The following TDRP variants were observed in gnomAD, a reference collection of about 807,000 sequenced individuals.
TDRP encodes the protein testis development-related protein.
Under a neutral mutation model 10.5 loss-of-function variants are expected in TDRP, and 12 were observed. That is an observed-to-expected ratio of 1.15 (90% CI 0.73 to 1.86). The LOEUF is 1.86. Ranked by LOEUF, TDRP falls within the 40% of genes most tolerant of loss-of-function variation. The pLI is 0.00. For missense variants in TDRP, 353 were observed against 229.2 expected (o/e 1.54, Z -3.49); for synonymous variants, 139 against 95.4 (o/e 1.46, Z -2.67).
At position 491,936 on chromosome 8, in the gene TDRP, T is replaced by A; in HGVS notation, c.*463A>T. The stretch of plus-strand genomic sequence containing the variant: ...TTGTCAAGTTAAACAAAATTTAACA[T>A]AACTTTGGAAGATTCATCTTACCTC... On this transcript the variant is annotated 3_prime_UTR_variant, in exon 3 of 3. Coordinates refer to ENST00000324079, the MANE Select transcript of TDRP (RefSeq NM_001384899.1). 2.6e-6 allele frequency: 3 copies of A among 1,135,412 alleles called. No individual in the cohort carries two copies. The highest frequency in any genetic ancestry group is 3.2e-6 in the Non-Finnish European group (3 of 927,776). 70.3% of individuals were successfully genotyped at this position (1,135,412 alleles called of 1,614,324 possible).
chr8:516,581 C>G (rs866492555), intron 1 of TDRP, among the ~76,000 whole-genome samples: 1 of 152,126 alleles, frequency 6.6e-6, no homozygotes, highest in African/African-American at 2.4e-5. Flanking sequence ...CCTATCAGAA[C>G]TGACAAAACC....
chr8:501,934 G>C (rs1488627655), intron 1 of TDRP, among the ~76,000 whole-genome samples: 1 of 152,212 alleles, frequency 6.6e-6, no homozygotes, highest in Non-Finnish European at 1.5e-5. Context: ...CCCACCCCCA[G>C]AACAGTTCTG....
At chr8:510,897 A>G (rs1346085951) in intron 1 of TDRP, among the ~76,000 whole-genome samples, 1 of 152,256 alleles carries the variant, frequency 6.6e-6, no homozygotes, top group Admixed American at 6.5e-5. Context: ...TAGAATAGGC[A>G]TATACTACAT....
At chr8:519,260 C>CCTT (rs1164801187) in intron 1 of TDRP, among the ~76,000 whole-genome samples, 2 of 152,156 alleles carry the variant, frequency 1.3e-5, no homozygotes, top group Non-Finnish European at 2.9e-5. Flanking sequence ...CCTCCCCATG[C>CCTT]CTTCCCCTTT....
Position 544,678 on chromosome 8 carries a change from G to A in TDRP, c.80C>T (p.Pro27Leu), listed in dbSNP as rs1385907965. ...CGCCTGGGCGGCGGCGGCGGCGGCC[G>A]GTGGCGGCCCCCCACGCAGGCCGTC... Reference protein sequence around the residue: ...EEDGLRGGPPPAAAAAAQAQV... With the variant: ...EEDGLRGGPPLAAAAAAQAQV... The change falls in exon 1 of 3, where the codon CCG (proline) becomes CTG (leucine). Residue 27 changes from proline (P) to leucine (L), a missense_variant. Transcript: ENST00000324079. The A allele has an allele frequency of 1.6e-6, 2 of 1,244,744 alleles. No individual in the cohort carries two copies. The highest frequency in any genetic ancestry group is 3.7e-5 in the South Asian group (1 of 27,262). 77.1% of individuals were successfully genotyped at this position (1,244,744 alleles called of 1,614,324 possible).
At chr8:495,962 G>A (rs1801117578) in intron 1 of TDRP, among the ~76,000 whole-genome samples, 1 of 152,230 alleles carries the variant, frequency 6.6e-6, no homozygotes, top group Non-Finnish European at 1.5e-5. Context: ...GTCTGCATCT[G>A]TAGACGGGGG....
intron 1 of TDRP, among the ~76,000 whole-genome samples, chr8:517,425 T>C (rs1373310022): frequency 1.3e-5 from 2 of 152,156 alleles, no homozygotes; most frequent in Non-Finnish European, 2.9e-5. Flanking sequence ...AAGAGACATT[T>C]ACCATCTATT....
At chr8:523,451 G>C (rs750288423) in intron 1 of TDRP, among the ~76,000 whole-genome samples, 1 of 152,098 alleles carries the variant, frequency 6.6e-6, no homozygotes, top group African/African-American at 2.4e-5. Flanking sequence ...AAATCAGCTT[G>C]GGTACCAGCT....
chr8:501,068 GA>G (rs1206224470), intron 1 of TDRP, among the ~76,000 whole-genome samples: 2 of 151,980 alleles, frequency 1.3e-5, no homozygotes, highest in Non-Finnish European at 2.9e-5. Flanking sequence ...AGCCGGGCGT[GA>G]TGGCGGGCGC....
rs1419990457 is a variant in TDRP, at chr8:494,519, T to G, written c.187A>C (p.Arg63=). 1 of 1,613,942 alleles carries G rather than the reference T, an allele frequency of 6.2e-7. No individual in the cohort carries two copies. Among genetic ancestry groups the G allele is most frequent in the Non-Finnish European group, 8.5e-7 (1 of 1,179,842 alleles). The change falls in exon 2 of 3, where the codon AGA becomes CGA. Residue 63 remains arginine (R), a synonymous_variant. Coordinates refer to ENST00000324079, the MANE Select transcript of TDRP (RefSeq NM_001384899.1). ...CCTTTGGACTTGGGAGATTTACATC[T>G]TTCCAGGAGATGCTGCTCATCATCT... ...NKDDEQHLLE[R]CKSPKSKGTN... is the part of the protein sequence containing the mutation.
At position 491,373 on chromosome 8, in the gene TDRP, A is replaced by C; in HGVS notation, c.*1026T>G. On this transcript the variant is annotated 3_prime_UTR_variant, in exon 3 of 3. Transcript: ENST00000324079. ...ATAAGAGCCAACCTTCCAGGGACGC[A>C]TAACTGGCACCTGATACTGTGCAGG... The C allele has an allele frequency of 2.6e-6, 1 of 377,814 alleles. No homozygotes were observed. Among genetic ancestry groups the C allele is most frequent in the Non-Finnish European group, 4.7e-6 (1 of 213,682 alleles). 23.4% of individuals were successfully genotyped at this position (377,814 alleles called of 1,614,324 possible). A position where few individuals can be genotyped will look rare whatever the true frequency, so the allele number is the denominator to read the frequency against.
chr8:513,066 C>T (rs1231008068), intron 1 of TDRP, among the ~76,000 whole-genome samples: 1 of 150,814 alleles, frequency 6.6e-6, no homozygotes, highest in Non-Finnish European at 1.5e-5. Context: ...CTACTAAATC[C>T]TACCAACTAT....
intron 1 of TDRP, among the ~76,000 whole-genome samples, chr8:528,813 G>T (rs1584878590): frequency 6.6e-6 from 1 of 151,850 alleles, no homozygotes; most frequent in South Asian, 2.1e-4. Context: ...AACTATGTGT[G>T]TGTGTATATG....
intron 1 of TDRP, among the ~76,000 whole-genome samples, chr8:508,542 A>T (rs934927751): frequency 1.3e-5 from 2 of 152,196 alleles, no homozygotes; most frequent in African/African-American, 4.8e-5. Flanking sequence ...ATCAGATCTC[A>T]TGAGAACTCA....
chr8:515,141 G>A (rs578202189), intron 1 of TDRP, among the ~76,000 whole-genome samples: 20 of 152,184 alleles, frequency 1.3e-4, no homozygotes, highest in Admixed American at 3.3e-4. Flanking sequence ...AAGAGAAGAC[G>A]GCACTGATGT....
At chr8:507,059 G>A (rs557101496) in intron 1 of TDRP, among the ~76,000 whole-genome samples, 31 of 152,242 alleles carry the variant, frequency 2.0e-4, no homozygotes, top group Non-Finnish European at 3.1e-4. Context: ...CAATCATGGC[G>A]GAAGGCAAAG....
chr8:544,737 G>C lies in TDRP; in HGVS notation c.21C>G (p.Gly7=). 8.1e-7 allele frequency: 1 copy of C among 1,240,076 alleles called. No individual in the cohort carries two copies. The allele number at this position is 1,240,076 out of a possible 1,614,324, so 76.8% of individuals were successfully genotyped here. A position where few individuals can be genotyped will look rare whatever the true frequency, so the allele number is the denominator to read the frequency against. ...CGGGGGGCTCGTCCAGCAGCACTCGGCCCCGGCCCAGCTTCCACATGGTCA... is the reference window on the plus strand; with the variant it reads ...CGGGGGGCTCGTCCAGCAGCACTCGCCCCCGGCCCAGCTTCCACATGGTCA... The part of the protein sequence containing the change: MWKLGR[G]RVLLDEPPEE... Residue 7 remains glycine (G), a synonymous_variant, in exon 1 of 3, where the codon GGC becomes GGG. Coordinates refer to ENST00000324079, the MANE Select transcript of TDRP (RefSeq NM_001384899.1).
rs1274044576 is a variant in TDRP at position 491,884 on chromosome 8, ATTTG to A, written c.*511_*514del. The A allele has an allele frequency of 3.4e-6, 4 of 1,185,598 alleles. No homozygotes were observed. The highest frequency in any genetic ancestry group is 4.2e-6 in the Non-Finnish European group (4 of 958,714). 73.4% of individuals were successfully genotyped at this position (1,185,598 alleles called of 1,614,324 possible). ...TTGCTTTTCCAGTATTTGTTTACGT[ATTTG>A]TTTAATAAGAACAAAGTTTAATTTG... On this transcript the variant is annotated 3_prime_UTR_variant, in exon 3 of 3. Coordinates refer to ENST00000324079, the MANE Select transcript of TDRP (RefSeq NM_001384899.1).
chr8:544,809 C>G lies in TDRP; in HGVS notation c.-52G>C, dbSNP rs1217585450. 1.7e-6 allele frequency: 2 copies of G among 1,181,740 alleles called. No individual in the cohort carries two copies. Among genetic ancestry groups the G allele is most frequent in the South Asian group, 8.5e-5 (2 of 23,480 alleles). 73.2% of individuals were successfully genotyped at this position (1,181,740 alleles called of 1,614,324 possible). ...GTCCGTGCGTCGGGCTGTGGCTCCG[C>G]GTCCCTCCCGGCCGCCGGACGCTCT... On this transcript the variant is annotated 5_prime_UTR_variant, in exon 1 of 3. Coordinates refer to ENST00000324079, the MANE Select transcript of TDRP (RefSeq NM_001384899.1).
Sources: gnomAD v4.1 joint callset for allele counts (sites outside exome capture counted in the v4.1 genomes callset) on GRCh38, gnomAD v4.1.1 for gene constraint, MANE v1.5 for transcripts, NCBI Gene and HGNC (gene_info 2026-07-23, HGNC 2026-07-21) for gene names.